Variants in SYNDIG1L observed in about 807,000 individuals in gnomAD.
SYNDIG1L encodes the protein synapse differentiation inducing 1 like.
Under a neutral mutation model 20.1 loss-of-function variants are expected in SYNDIG1L, and 13 were observed. That is an observed-to-expected ratio of 0.65 (90% CI 0.42 to 1.03). SYNDIG1L has a LOEUF of 1.03. Among genes scored for constraint, SYNDIG1L ranks in the 50% least tolerant of loss-of-function variants. The pLI is 0.00. For synonymous variants in SYNDIG1L, 128 were observed against 129.3 expected, an observed-to-expected ratio of 0.99 and a Z score of 0.07; for missense variants, 294 against 305.1, an observed-to-expected ratio of 0.96 and a Z score of 0.27.
At chr14:74,429,677 G>A (rs1189973777), upstream of SYNDIG1L, among the ~76,000 whole-genome samples, 1 of 152,264 alleles carries the variant, frequency 6.6e-6, no homozygotes, top group East Asian at 1.9e-4. Context: ...GTCTGGCAGA[G>A]GACAGGAGAG....
chr14:74,479,386 C>G, the SYNDIG1L span: 1 of 152,222 alleles, frequency 6.6e-6, no homozygotes. Context: ...CCATGTTATT[C>G]AACTCAATTG....
chr14:74,443,406 G>C, the SYNDIG1L span, among the ~76,000 whole-genome samples: 1 of 152,198 alleles, frequency 6.6e-6, no homozygotes, highest in African/African-American at 2.4e-5. Flanking sequence ...GAGAACTGTG[G>C]ATGAGGAGTG....
chr14:74,407,641 C>G lies in SYNDIG1L; in HGVS notation c.611G>C (p.Arg204Pro), dbSNP rs764119192. Residue 204 changes from arginine to proline, a missense_variant, in exon 4 of 4, where the codon CGC (arginine) becomes CCC (proline). Transcript: ENST00000331628. ...GDFRLASTTS[R>P]RALFLATLAI... ...GAGTGTGGCTAGGAAGAGGGCCCGG[C>G]GGGAGGTGGTGCTGGCCAGGCGGAA... 1 of 1,613,774 alleles carries G rather than the reference C, an allele frequency of 6.2e-7. No homozygotes were observed. Among genetic ancestry groups the G allele is most frequent in the East Asian group, 2.2e-5 (1 of 44,870 alleles).
intron 1 of SYNDIG1L, among the ~76,000 whole-genome samples, chr14:74,419,286 G>A (rs1420039869): frequency 1.3e-5 from 2 of 152,152 alleles, no homozygotes; most frequent in African/African-American, 2.4e-5. Flanking sequence ...ATTCATTAGC[G>A]TCTTTCTCCT....
chr14:74,463,529 C>T, the SYNDIG1L span, among the ~76,000 whole-genome samples: 1 of 152,162 alleles, frequency 6.6e-6, no homozygotes, highest in Non-Finnish European at 1.5e-5. Context: ...CAGTTCAGAT[C>T]AGCACTTTGA....
At chr14:74,422,710 C>T in intron 1 of SYNDIG1L, among the ~76,000 whole-genome samples, 1 of 125,664 alleles carries the variant, frequency 8.0e-6, no homozygotes, top group African/African-American at 2.9e-5. Flanking sequence ...TCTTTCTTTC[C>T]TTTCTCTCTT....
At chr14:74,443,856 A>G in the SYNDIG1L span, among the ~76,000 whole-genome samples, 1 of 151,906 alleles carries the variant, frequency 6.6e-6, no homozygotes, top group Non-Finnish European at 1.5e-5. Context: ...GTGAGGGGTC[A>G]GGGGGATGAC....
At chr14:74,477,564 C>T in the SYNDIG1L span, among the ~76,000 whole-genome samples, 1 of 151,732 alleles carries the variant, frequency 6.6e-6, no homozygotes, top group Non-Finnish European at 1.5e-5. Context: ...AAAAAGTCAA[C>T]TAAGATTTAA....
chr14:74,472,067 T>C, the SYNDIG1L span: 1 of 152,214 alleles, frequency 6.6e-6, no homozygotes, highest in East Asian at 1.9e-4. Flanking sequence ...GGACTAATTG[T>C]ATCCCATCTT....
the SYNDIG1L span, among the ~76,000 whole-genome samples, chr14:74,465,365 G>A: frequency 6.6e-6 from 1 of 152,316 alleles, no homozygotes; most frequent in East Asian, 1.9e-4. Flanking sequence ...ATTTCTAAGT[G>A]AGCAGCTCAA....
the SYNDIG1L span, among the ~76,000 whole-genome samples, chr14:74,466,468 A>G: frequency 6.6e-6 from 1 of 152,202 alleles, no homozygotes; most frequent in Non-Finnish European, 1.5e-5. Flanking sequence ...GGAACTCTGC[A>G]TGATATTAGG....
the SYNDIG1L span, among the ~76,000 whole-genome samples, chr14:74,432,143 GTGT>G: frequency 9.4e-6 from 1 of 106,350 alleles, no homozygotes; most frequent in African/African-American, 4.9e-5. Context: ...CTTGGAAGGT[GTGT>G]GTGTGTGTGT....
intron 1 of SYNDIG1L, among the ~76,000 whole-genome samples, chr14:74,420,903 G>A (rs1332987608): frequency 1.3e-5 from 2 of 152,184 alleles, no homozygotes; most frequent in African/African-American, 4.8e-5. Flanking sequence ...GAGGCCTACT[G>A]TGGAAACAAA....
At chr14:74,460,075 C>G in the SYNDIG1L span, among the ~76,000 whole-genome samples, 3 of 152,098 alleles carry the variant, frequency 2.0e-5, no homozygotes, top group African/African-American at 7.2e-5. Flanking sequence ...TGGCCTGGCT[C>G]TCTCCTACAG....
chr14:74,409,795 T>C lies in SYNDIG1L; in HGVS notation c.-51A>G, dbSNP rs1167020274. 1 of 1,403,008 alleles carries C rather than the reference T, an allele frequency of 7.1e-7. No individual in the cohort carries two copies. 86.9% of individuals were successfully genotyped at this position (1,403,008 alleles called of 1,614,324 possible). On this transcript the variant is annotated 5_prime_UTR_variant, in exon 2 of 4. It removes the in-frame stop codon of an upstream open reading frame in the 5' UTR. Coordinates refer to ENST00000331628, the MANE Select transcript of SYNDIG1L (RefSeq NM_001105579.2). ...GGGGCCTGGGCCAGCTGAGCAGTCC[T>C]CAGAGCCTGTCAGAAGAGCAAGACA... is the stretch of plus-strand genomic sequence containing the variant.
At chr14:74,433,519 G>C in the SYNDIG1L span, among the ~76,000 whole-genome samples, 8 of 152,060 alleles carry the variant, frequency 5.3e-5, no homozygotes. Flanking sequence ...AAGTAGCTGA[G>C]ATTATAGGCA....
At chr14:74,432,005 C>T in the SYNDIG1L span, among the ~76,000 whole-genome samples, 1 of 152,058 alleles carries the variant, frequency 6.6e-6, no homozygotes, top group Non-Finnish European at 1.5e-5. Context: ...GAGCACCACC[C>T]TGGGGGCTAG....
At chr14:74,413,561 T>G (rs1236321911) in intron 1 of SYNDIG1L, among the ~76,000 whole-genome samples, 3 of 140,118 alleles carry the variant, frequency 2.1e-5, no homozygotes, top group Non-Finnish European at 3.1e-5. Flanking sequence ...GCACAGGTGC[T>G]TTTCATTTTC....
At chr14:74,476,601 A>T in the SYNDIG1L span, 1 of 1,531,762 alleles carries the variant, frequency 6.5e-7, no homozygotes, top group Non-Finnish European at 8.7e-7. Context: ...ATCTGCAGAA[A>T]GTAGAAGAGG....
Sources: allele counts gnomAD v4.1 joint callset (sites outside exome capture counted in the v4.1 genomes callset), GRCh38; gene constraint gnomAD v4.1.1; transcripts MANE v1.5; gene names NCBI Gene and HGNC (gene_info 2026-07-23, HGNC 2026-07-21).